Variants in MIPOL1 observed in about 807,000 individuals in gnomAD.
The protein encoded by MIPOL1 is mirror-image polydactyly gene 1 protein.
In MIPOL1, 57 loss-of-function variants were observed where a neutral mutation model predicts 60.9. That is an observed-to-expected ratio of 0.94 (90% CI 0.76 to 1.17). The LOEUF (loss-of-function observed/expected upper bound fraction) is 1.17, where lower values mean the gene tolerates loss of function less well. Among genes scored for constraint, MIPOL1 ranks in the 50% most tolerant of loss-of-function variants. The probability of loss-of-function intolerance (pLI) is 0.00; values close to 1 mark genes in which losing one functional copy is unlikely to be tolerated. For synonymous variants in MIPOL1, 179 were observed against 168.8 expected (o/e 1.06, Z -0.47); for missense variants, 551 against 511.6 (o/e 1.08, Z -0.74).
intron 12 of MIPOL1, among the ~76,000 whole-genome samples, chr14:37,508,896 T>C (rs141875692): frequency 4.3e-4 from 66 of 152,280 alleles, no homozygotes; most frequent in Non-Finnish European, 9.0e-4. Flanking sequence ...TTTATCCTAC[T>C]TGAACTCTCA....
chr14:37,339,678 A>T (rs2090432098), intron 9 of MIPOL1, among the ~76,000 whole-genome samples: 1 of 152,216 alleles, frequency 6.6e-6, no homozygotes, highest in Non-Finnish European at 1.5e-5. Context: ...ACAGTCTCTC[A>T]CACACACAAA....
chr14:37,333,548 C>T (rs1026314555), intron 9 of MIPOL1, among the ~76,000 whole-genome samples: 41 of 143,402 alleles, frequency 2.9e-4, no homozygotes, highest in African/African-American at 1.0e-3. Flanking sequence ...GAAAGTGAAA[C>T]GTGGAAATAT....
chr14:37,546,911 A>G lies in MIPOL1; in HGVS notation c.1269A>G (p.Glu423=), dbSNP rs1290779951. The G allele has an allele frequency of 6.2e-7, 1 of 1,613,392 alleles. No individual in the cohort carries two copies. The highest frequency in any genetic ancestry group is 8.5e-7 in the Non-Finnish European group (1 of 1,179,758). ...CATCCCAACCCCAACTTAGGTTGGA[A>G]AGGCTGGTGGATGTACTGAGGAAGA... ...QVANEKVQKL[E]RLVDVLRKKV... Residue 423 remains glutamate (E), a synonymous_variant, in exon 13 of 13, where the codon GAA becomes GAG. Transcript: ENST00000684589.
chr14:37,249,965 A>G (rs1420147319), intron 3 of MIPOL1, among the ~76,000 whole-genome samples: 2 of 152,140 alleles, frequency 1.3e-5, no homozygotes, highest in Non-Finnish European at 2.9e-5. Flanking sequence ...ATCTAAAGAG[A>G]TAGAGACTGT....
Position 37,369,031 on chromosome 14 carries a change from C to G in MIPOL1, c.829-486C>G, listed in dbSNP as rs935805899. On this transcript the variant is annotated intron_variant, in intron 9 of 12. Coordinates refer to ENST00000684589, the MANE Select transcript of MIPOL1 (RefSeq NM_001388067.1). ...CACTCTTTGGCTATTGCTTTTTTCC[C>G]TATAAAATTGTTTCCTTAGATATTT... Among the ~76,000 whole-genome samples the G allele has an allele frequency of 3.3e-5, 5 of 151,978 alleles. No homozygotes were observed. In the South Asian group the frequency reaches 6.2e-4, roughly 19 times the overall value.
At chr14:37,306,545 T>C (rs1245197800) in intron 7 of MIPOL1, among the ~76,000 whole-genome samples, 1 of 151,754 alleles carries the variant, frequency 6.6e-6, no homozygotes, top group Non-Finnish European at 1.5e-5. Flanking sequence ...GATCTTACTT[T>C]GATTTTAGCT....
rs201624293 is a variant in MIPOL1, at chr14:37,239,049, T to A, written c.-198-8054T>A. Reference sequence around the variant, plus strand: ...TTCAAAAGTAGCATACATTGCTTAATTTTTTTTTTTTTTTTTTTGAGATGG... The same window carrying A: ...TTCAAAAGTAGCATACATTGCTTAAATTTTTTTTTTTTTTTTTTGAGATGG... On this transcript the variant is annotated intron_variant, in intron 1 of 12. Transcript: ENST00000684589. 1.2e-4 allele frequency among the ~76,000 whole-genome samples: 13 copies of A among 107,156 alleles called. No individual in the cohort carries two copies. The East Asian group carries it at 2.7e-3, about 22-fold the overall frequency. The allele number at this position is 107,156 out of a possible 152,430, so 70.3% of individuals were successfully genotyped here.
rs374222610 is a variant in MIPOL1 at position 37,266,990 on chromosome 14, G to T, written c.72G>T (p.Thr24=). 1 of 1,613,514 alleles carries T rather than the reference G, an allele frequency of 6.2e-7. No individual in the cohort carries two copies. Among genetic ancestry groups the T allele is most frequent in the Non-Finnish European group, 8.5e-7 (1 of 1,179,762 alleles). ...AAACTACGGGGATAAATAAAAGTAC[G>T]CAGCCAGATGAGCAACTGACTATGA... ...EQETTGINKS[T]QPDEQLTMNS... is the part of the protein sequence containing the mutation. The change falls in exon 4 of 13, where the codon ACG becomes ACT. Residue 24 remains threonine, a synonymous_variant. Transcript: ENST00000684589.
intron 9 of MIPOL1, among the ~76,000 whole-genome samples, chr14:37,316,353 G>A (rs1292406492): frequency 1.3e-5 from 2 of 152,078 alleles, no homozygotes; most frequent in African/African-American, 2.4e-5. Flanking sequence ...TAAAAGATGA[G>A]CGTAGTCAGT....
chr14:37,263,522 T>G (rs2082656969), intron 3 of MIPOL1, among the ~76,000 whole-genome samples: 1 of 152,174 alleles, frequency 6.6e-6, no homozygotes, highest in South Asian at 2.1e-4. Context: ...GGAATTATAT[T>G]TGGTTTGAAG....
rs2095551414 is a variant in MIPOL1, at chr14:37,547,572, A to G, written c.*601A>G. 1 of 152,598 alleles carries G rather than the reference A, an allele frequency of 6.6e-6. No individual in the cohort carries two copies. The highest frequency in any genetic ancestry group is 1.5e-5 in the Non-Finnish European group (1 of 68,014). 9.5% of individuals were successfully genotyped at this position (152,598 alleles called of 1,614,324 possible). Reference sequence around the variant, plus strand: ...TTTAATAAGAGATGGATATATTAAAATTACATTCATCAAGGCATGATTTTT... The same window carrying G: ...TTTAATAAGAGATGGATATATTAAAGTTACATTCATCAAGGCATGATTTTT... On this transcript the variant is annotated 3_prime_UTR_variant, in exon 13 of 13. Coordinates refer to ENST00000684589, the MANE Select transcript of MIPOL1 (RefSeq NM_001388067.1).
At chr14:37,315,997 G>C (rs1344519579) in intron 9 of MIPOL1, among the ~76,000 whole-genome samples, 1 of 149,710 alleles carries the variant, frequency 6.7e-6, no homozygotes, top group Non-Finnish European at 1.5e-5. Context: ...GAAGGCAAGA[G>C]GGGAAATTGT....
At chr14:37,349,515 A>G (rs1437835569) in intron 9 of MIPOL1, among the ~76,000 whole-genome samples, 1 of 152,148 alleles carries the variant, frequency 6.6e-6, no homozygotes, top group Non-Finnish European at 1.5e-5. Flanking sequence ...TTACTCAAAT[A>G]TGCCAAATGT....
chr14:37,432,461 T>G (rs1295803989), intron 11 of MIPOL1, among the ~76,000 whole-genome samples: 1 of 152,224 alleles, frequency 6.6e-6, no homozygotes, highest in Non-Finnish European at 1.5e-5. Flanking sequence ...TTGCATATAA[T>G]AAGAACTCAT....
intron 11 of MIPOL1, among the ~76,000 whole-genome samples, chr14:37,497,316 A>T (rs921417357): frequency 6.6e-6 from 1 of 152,214 alleles, no homozygotes; most frequent in East Asian, 1.9e-4. Flanking sequence ...TTGATTCTTA[A>T]TATGTAATTG....
In MIPOL1 at chr14:37,292,049, C is replaced by T. The variant is rs183100295; in HGVS notation, c.623+6602C>T. On this transcript the variant is annotated intron_variant, in intron 7 of 12. Coordinates refer to ENST00000684589, the MANE Select transcript of MIPOL1 (RefSeq NM_001388067.1). ...CATGCCATTCTCCTGCCTCACCCTG[C>T]TAAGTAGCTGGGGCTACAGGCGCCT... 2.8e-3 allele frequency among the ~76,000 whole-genome samples: 427 copies of T among 150,736 alleles called. 3 individuals carry two copies. Among genetic ancestry groups the T allele is most frequent in the African/African-American group, 9.9e-3 (406 of 40,996 alleles).
intron 3 of MIPOL1, among the ~76,000 whole-genome samples, chr14:37,257,461 C>CA (rs1373128939): frequency 2.4e-4 from 37 of 151,678 alleles, no homozygotes; most frequent in Non-Finnish European, 4.7e-4. Context: ...CACATGTCAA[C>CA]AAAAAAAATT....
intron 1 of MIPOL1, among the ~76,000 whole-genome samples, chr14:37,242,393 T>C (rs1972496019): frequency 6.6e-6 from 1 of 152,164 alleles, no homozygotes; most frequent in South Asian, 2.1e-4. Context: ...AATTTATCCA[T>C]ACTTTGTGCC....
intron 11 of MIPOL1, among the ~76,000 whole-genome samples, chr14:37,441,650 T>C (rs2094246935): frequency 6.6e-6 from 1 of 152,162 alleles, no homozygotes; most frequent in South Asian, 2.1e-4. Context: ...GTAGTATAAT[T>C]TGAAGTCAAG....
Sources: gnomAD v4.1 joint callset for allele counts (sites outside exome capture counted in the v4.1 genomes callset) on GRCh38, gnomAD v4.1.1 for gene constraint, MANE v1.5 for transcripts, NCBI Gene and HGNC (gene_info 2026-07-23, HGNC 2026-07-21) for gene names.